Variants in UBE2QL1 observed in about 807,000 individuals in gnomAD.
UBE2QL1 encodes the protein ubiquitin-conjugating enzyme E2Q-like protein 1.
A neutral mutation model predicts 12.6 loss-of-function variants in UBE2QL1; 5 were observed. That is an observed-to-expected ratio of 0.40 (90% CI 0.21 to 0.83). The LOEUF (loss-of-function observed/expected upper bound fraction) is 0.83, where lower values mean the gene tolerates loss of function less well. Ranked by LOEUF, UBE2QL1 falls within the 40% of genes least tolerant of loss-of-function variation. The pLI is 0.37. For missense variants in UBE2QL1, 99 were observed against 222.6 expected (o/e 0.44, Z 3.53); for synonymous variants, 96 against 94.5 (o/e 1.02, Z -0.10).
At chr5:6,458,951 C>A (rs1414923434) in intron 1 of UBE2QL1, among the ~76,000 whole-genome samples, 1 of 152,144 alleles carries the variant, frequency 6.6e-6, no homozygotes, top group Non-Finnish European at 1.5e-5. Flanking sequence ...CTGCGTCTGA[C>A]AGCACCTCTC....
At chr5:6,475,340 C>G (rs1356041504) in intron 1 of UBE2QL1, among the ~76,000 whole-genome samples, 1 of 152,202 alleles carries the variant, frequency 6.6e-6, no homozygotes, top group Non-Finnish European at 1.5e-5. Flanking sequence ...TCAACTTCCT[C>G]TCTTGATTAC....
At chr5:6,454,315 C>T (rs1397973556) in intron 1 of UBE2QL1, among the ~76,000 whole-genome samples, 3 of 152,200 alleles carry the variant, frequency 2.0e-5, no homozygotes, top group Non-Finnish European at 4.4e-5. Context: ...CTTGTAGATG[C>T]TGTGTCCTCC....
rs10073571 is a variant in UBE2QL1 at position 6,460,794 on chromosome 5, G to A, written c.354+11547G>A. Among the ~76,000 whole-genome samples the A allele has an allele frequency of 8.7e-3, 1,319 of 152,232 alleles. 18 individuals carry two copies. The highest frequency in any genetic ancestry group is 0.03 in the African/African-American group (1,245 of 41,534). The stretch of plus-strand genomic sequence containing the variant: ...ATTCTTATTTAAAACATTTACCTCT[G>A]TGCTCCCTAAATGCACATCAAAAGT... On this transcript the variant is annotated intron_variant, in intron 1 of 1. Transcript: ENST00000399816.
chr5:6,490,750 C>T (rs1734552520), intron 1 of UBE2QL1, among the ~76,000 whole-genome samples: 3 of 152,016 alleles, frequency 2.0e-5, no homozygotes, highest in Admixed American at 1.3e-4. Context: ...ATTTATCTTC[C>T]CTGTTATCAC....
At chr5:6,469,332 A>T (rs1739858405) in intron 1 of UBE2QL1, among the ~76,000 whole-genome samples, 1 of 152,040 alleles carries the variant, frequency 6.6e-6, no homozygotes, top group African/African-American at 2.4e-5. Context: ...GAGATGTCAG[A>T]GTCCACCAAA....
At chr5:6,482,049 C>G (rs965590115) in intron 1 of UBE2QL1, among the ~76,000 whole-genome samples, 1 of 152,176 alleles carries the variant, frequency 6.6e-6, no homozygotes, top group African/African-American at 2.4e-5. Context: ...AGGGTGGTCC[C>G]TAATCCAATG....
At chr5:6,453,042 C>T (rs1739441271) in intron 1 of UBE2QL1, among the ~76,000 whole-genome samples, 3 of 152,186 alleles carry the variant, frequency 2.0e-5, no homozygotes, top group African/African-American at 4.8e-5. Flanking sequence ...CCATACAATT[C>T]GGCATGCACA....
chr5:6,461,515 C>G (rs1012473249), intron 1 of UBE2QL1, among the ~76,000 whole-genome samples: 2 of 145,272 alleles, frequency 1.4e-5, no homozygotes, highest in Non-Finnish European at 3.0e-5. Flanking sequence ...AAGCATCCTC[C>G]TATCCCCAGT....
At chr5:6,473,912 A>T (rs1705897560) in intron 1 of UBE2QL1, among the ~76,000 whole-genome samples, 1 of 152,190 alleles carries the variant, frequency 6.6e-6, no homozygotes, top group Admixed American at 6.5e-5. Flanking sequence ...TAACTTTTCC[A>T]TTACTAGGAA....
At chr5:6,454,988 C>T (rs961068838) in intron 1 of UBE2QL1, among the ~76,000 whole-genome samples, 13 of 152,190 alleles carry the variant, frequency 8.5e-5, no homozygotes, top group African/African-American at 1.4e-4. Context: ...GCCCCACACC[C>T]GCTTGGAGAG....
At chr5:6,490,658 T>C (rs1734551090) in intron 1 of UBE2QL1, among the ~76,000 whole-genome samples, 1 of 152,256 alleles carries the variant, frequency 6.6e-6, no homozygotes, top group Admixed American at 6.5e-5. Context: ...AATTCACTAA[T>C]GGCTCTGGAA....
intron 1 of UBE2QL1, among the ~76,000 whole-genome samples, chr5:6,449,937 C>T (rs1380267866): frequency 1.5e-5 from 2 of 134,724 alleles, no homozygotes; most frequent in Non-Finnish European, 3.1e-5. Context: ...CAGGTGGGTG[C>T]CGTGGGGAGG....
intron 1 of UBE2QL1, among the ~76,000 whole-genome samples, chr5:6,467,836 C>T (rs1739830496): frequency 6.6e-6 from 1 of 152,116 alleles, no homozygotes; most frequent in African/African-American, 2.4e-5. Flanking sequence ...CACATTCCTC[C>T]TCACAAACTT....
At chr5:6,488,542 T>C (rs1001275198) in intron 1 of UBE2QL1, among the ~76,000 whole-genome samples, 2 of 139,944 alleles carry the variant, frequency 1.4e-5, no homozygotes, top group African/African-American at 6.6e-5. Flanking sequence ...CTAACGCCTA[T>C]AATCCTAACA....
intron 1 of UBE2QL1, among the ~76,000 whole-genome samples, chr5:6,469,017 C>T (rs950696239): frequency 1.9e-4 from 29 of 152,328 alleles, no homozygotes; most frequent in African/African-American, 6.7e-4. Flanking sequence ...CAGACTTGTG[C>T]GTGCAACCAG....
chr5:6,471,848 A>G (rs1035043700), intron 1 of UBE2QL1, among the ~76,000 whole-genome samples: 1 of 152,192 alleles, frequency 6.6e-6, no homozygotes, highest in African/African-American at 2.4e-5. Flanking sequence ...AAACTATCAC[A>G]TTTTTACACA....
At chr5:6,474,739 G>T (rs1734186011) in intron 1 of UBE2QL1, among the ~76,000 whole-genome samples, 2 of 152,222 alleles carry the variant, frequency 1.3e-5, no homozygotes, top group Admixed American at 6.5e-5. Context: ...TTGAGCACCT[G>T]AGAGGGGCAG....
At chr5:6,485,977 T>C (rs1734460689) in intron 1 of UBE2QL1, among the ~76,000 whole-genome samples, 1 of 152,146 alleles carries the variant, frequency 6.6e-6, no homozygotes, top group Admixed American at 6.5e-5. Flanking sequence ...AAGACAGAAA[T>C]ATGGTGTATT....
intron 1 of UBE2QL1, among the ~76,000 whole-genome samples, chr5:6,450,519 T>C (rs866468097): frequency 6.6e-6 from 1 of 152,144 alleles, no homozygotes; most frequent in African/African-American, 2.4e-5. Flanking sequence ...TATGAAAAAA[T>C]CATCGTTTTC....
Sources: allele counts gnomAD v4.1 joint callset (sites outside exome capture counted in the v4.1 genomes callset), GRCh38; gene constraint gnomAD v4.1.1; transcripts MANE v1.5; gene names NCBI Gene and HGNC (gene_info 2026-07-23, HGNC 2026-07-21).